Variants in SNTG2 observed in about 807,000 individuals in gnomAD.
SNTG2 encodes the protein syntrophin gamma 2, also known as gamma-2-syntrophin.
SNTG2 carries 74 observed loss-of-function variants against 70.9 expected under a neutral mutation model. That is an observed-to-expected ratio of 1.04 (90% CI 0.86 to 1.27). The LOEUF (loss-of-function observed/expected upper bound fraction) is 1.27, where lower values mean the gene tolerates loss of function less well. Ranked by LOEUF, SNTG2 falls within the 50% of genes most tolerant of loss-of-function variation. The pLI is 0.00. For synonymous variants in SNTG2, 278 were observed against 273.8 expected, an observed-to-expected ratio of 1.02 and a Z score of -0.15; for missense variants, 717 against 690.7, an observed-to-expected ratio of 1.04 and a Z score of -0.43.
chr2:1,053,503 T>C (rs376183949), intron 1 of SNTG2, among the ~76,000 whole-genome samples: 36 of 94,428 alleles, frequency 3.8e-4, no homozygotes, highest in African/African-American at 1.5e-3. Flanking sequence ...TGCAGCTAAG[T>C]TGTGTCTCCT....
rs536460391 is a variant in SNTG2, at chr2:979,192, G to A, written c.72+28124G>A. 3.3e-5 allele frequency among the ~76,000 whole-genome samples: 5 copies of A among 152,240 alleles called. No homozygotes were observed. The South Asian group carries it at 1.0e-3, about 32-fold the overall frequency. The stretch of plus-strand genomic sequence containing the variant: ...GGTATACTGGCTTTTGGGTTGGGGG[G>A]GTATTGACCTGGTTTGTGGTGAAAG... On this transcript the variant is annotated intron_variant, in intron 1 of 16. Coordinates refer to ENST00000308624, the MANE Select transcript of SNTG2 (RefSeq NM_018968.4).
chr2:1,129,008 G>C (rs549673816), intron 4 of SNTG2, among the ~76,000 whole-genome samples: 1 of 152,166 alleles, frequency 6.6e-6, no homozygotes, highest in Admixed American at 6.5e-5. Flanking sequence ...CTAGGAATAA[G>C]TGTCTAGCCT....
chr2:1,340,974 T>G (rs570268040), intron 16 of SNTG2: 1 of 152,360 alleles, frequency 6.6e-6, no homozygotes, highest in East Asian at 1.9e-4. Flanking sequence ...TGCCAGAGTT[T>G]ACGTGCAGTA....
At chr2:1,349,536 A>C (rs912191051) in intron 16 of SNTG2, among the ~76,000 whole-genome samples, 1 of 152,234 alleles carries the variant, frequency 6.6e-6, no homozygotes, top group African/African-American at 2.4e-5. Flanking sequence ...GGCTGTTATC[A>C]TCCTTGCTTT....
At chr2:987,153 G>A (rs1397822179) in intron 1 of SNTG2, among the ~76,000 whole-genome samples, 1 of 152,188 alleles carries the variant, frequency 6.6e-6, no homozygotes, top group Admixed American at 6.5e-5. Context: ...ATAAAAGGTG[G>A]AATGCAGTCA....
At chr2:1,027,402 G>C (rs576546771) in intron 1 of SNTG2, among the ~76,000 whole-genome samples, 3 of 151,688 alleles carry the variant, frequency 2.0e-5, no homozygotes, top group South Asian at 4.2e-4. Context: ...ATGCATCTCT[G>C]TTGAGTAAAG....
chr2:1,226,326 G>A (rs1346417725), intron 9 of SNTG2, among the ~76,000 whole-genome samples: 3 of 152,204 alleles, frequency 2.0e-5, no homozygotes, highest in Non-Finnish European at 4.4e-5. Flanking sequence ...TGATTGCTCA[G>A]AATGTTCTCC....
intron 12 of SNTG2, among the ~76,000 whole-genome samples, chr2:1,256,991 T>C (rs2148159184): frequency 6.6e-6 from 1 of 152,070 alleles, no homozygotes; most frequent in African/African-American, 2.4e-5. Context: ...ATACACTTGT[T>C]TTTTGGACGA....
intron 1 of SNTG2, among the ~76,000 whole-genome samples, chr2:1,033,833 T>C (rs1660978349): frequency 6.6e-6 from 1 of 152,222 alleles, no homozygotes; most frequent in South Asian, 2.1e-4. Flanking sequence ...TGGTCCAGCC[T>C]GTGCTCCCTG....
chr2:950,971 G>C lies in SNTG2; in HGVS notation c.-26G>C, dbSNP rs1462571869. 2.5e-6 allele frequency: 3 copies of C among 1,208,584 alleles called. No individual in the cohort carries two copies. The highest frequency in any genetic ancestry group is 1.0e-6 in the Non-Finnish European group (1 of 968,298). The allele number at this position is 1,208,584 out of a possible 1,614,324, so 74.9% of individuals were successfully genotyped here. On this transcript the variant is annotated 5_prime_UTR_variant, in exon 1 of 17. Coordinates refer to ENST00000308624, the MANE Select transcript of SNTG2 (RefSeq NM_018968.4). Reference sequence around the variant, plus strand: ...TGGCGTTGAGCTCGGCCGGCCCGGAGCGCGGACCCAGCCGCAGGGGCGGCG... The same window carrying C: ...TGGCGTTGAGCTCGGCCGGCCCGGACCGCGGACCCAGCCGCAGGGGCGGCG...
chr2:1,248,003 C>T (rs1243008415), intron 12 of SNTG2, among the ~76,000 whole-genome samples: 1 of 152,084 alleles, frequency 6.6e-6, no homozygotes, highest in Non-Finnish European at 1.5e-5. Flanking sequence ...AGAAGTTTAT[C>T]AATTTAAACA....
At chr2:1,365,035 CA>C (rs752546899) in intron 16 of SNTG2, among the ~76,000 whole-genome samples, 2 of 151,944 alleles carry the variant, frequency 1.3e-5, no homozygotes, top group Admixed American at 1.3e-4. Context: ...CATTGAATTA[CA>C]ATATGTGCTA....
intron 8 of SNTG2, among the ~76,000 whole-genome samples, chr2:1,187,944 G>A (rs1026102965): frequency 1.3e-5 from 2 of 152,160 alleles, no homozygotes; most frequent in Non-Finnish European, 2.9e-5. Flanking sequence ...ACAGACTTTC[G>A]CTAGTAGAAT....
intron 16 of SNTG2, among the ~76,000 whole-genome samples, chr2:1,321,507 G>A: frequency 6.6e-6 from 1 of 152,168 alleles, no homozygotes; most frequent in East Asian, 1.9e-4. Context: ...AAATTGGGGT[G>A]TTTCTGATAC....
chr2:1,073,954 A>G (rs567854787), intron 1 of SNTG2, among the ~76,000 whole-genome samples: 24 of 152,328 alleles, frequency 1.6e-4, no homozygotes, highest in Non-Finnish European at 2.8e-4. Flanking sequence ...GTGTCTATAA[A>G]ACCTATTTTT....
intron 6 of SNTG2, among the ~76,000 whole-genome samples, chr2:1,158,006 G>A (rs1478978753): frequency 6.6e-6 from 1 of 152,186 alleles, no homozygotes; most frequent in Non-Finnish European, 1.5e-5. Flanking sequence ...GGCAGGTTTG[G>A]TACGGGGCAT....
rs73908980 is a variant in SNTG2, at chr2:1,266,463, G to A, written c.1078-902G>A. 4.5e-3 allele frequency among the ~76,000 whole-genome samples: 686 copies of A among 152,290 alleles called. 4 individuals are homozygous for A. The highest frequency in any genetic ancestry group is 0.016 in the African/African-American group (655 of 41,564). ...AGTAACTTACATCTCTGGGTTAAAC[G>A]ATTAACCAGAAATGGAACAACATCA... On this transcript the variant is annotated intron_variant, in intron 13 of 16. Transcript: ENST00000308624.
In SNTG2 at chr2:1,209,199, T is replaced by C; in HGVS notation, c.688T>C (p.Ser230Pro). The change falls in exon 9 of 17, where the codon TCA becomes CCA. Residue 230 changes from serine (S) to proline (P), a missense_variant. Coordinates refer to ENST00000308624, the MANE Select transcript of SNTG2 (RefSeq NM_018968.4). ...CGTGCCTCTGTCCATGGCTCGCATC[T>C]CAAGGTACAAAGCCGGAACGGAAAA... ...LSVPLSMARI[S>P]RYKAGTEKLR... The C allele has an allele frequency of 6.2e-7, 1 of 1,613,980 alleles. No individual in the cohort carries two copies. The highest frequency in any genetic ancestry group is 8.5e-7 in the Non-Finnish European group (1 of 1,179,882).
chr2:1,331,680 G>T (rs1439412519), intron 16 of SNTG2, among the ~76,000 whole-genome samples: 1 of 152,188 alleles, frequency 6.6e-6, no homozygotes, highest in Non-Finnish European at 1.5e-5. Context: ...GCACTTGCAG[G>T]CTGTCAGTAG....
Sources: allele counts gnomAD v4.1 joint callset (sites outside exome capture counted in the v4.1 genomes callset), GRCh38; gene constraint gnomAD v4.1.1; transcripts MANE v1.5; gene names NCBI Gene and HGNC (gene_info 2026-07-23, HGNC 2026-07-21).